The following SERPINE2 variants were observed in gnomAD, a reference collection of about 807,000 sequenced individuals.
SERPINE2 encodes glia-derived nexin.
Under a neutral mutation model 36.3 loss-of-function variants are expected in SERPINE2, and 14 were observed. The ratio of observed to expected loss-of-function variants is 0.39; its 90% CI spans 0.25 to 0.60. The LOEUF (loss-of-function observed/expected upper bound fraction) is 0.60, where lower values mean the gene tolerates loss of function less well. Ranked by LOEUF, SERPINE2 falls within the 20% of genes least tolerant of loss-of-function variation. SERPINE2 has a pLI of 0.57. For missense variants in SERPINE2, 418 were observed against 499.6 expected, an observed-to-expected ratio of 0.84 and a Z score of 1.56; for synonymous variants, 192 against 191.8, an observed-to-expected ratio of 1.00 and a Z score of -0.01.
chr2:223,980,518 C>A (rs1690192606), intron 6 of SERPINE2, 121 bp from the exon 7 acceptor site: 1 of 769,582 alleles, frequency 1.3e-6, no homozygotes, highest in Non-Finnish European at 2.2e-6. Flanking sequence ...TGTCAGAAGA[C>A]ATGACCTCTG....
intron 1 of SERPINE2, among the ~76,000 whole-genome samples, chr2:224,002,545 T>G (rs1277109752): frequency 6.6e-6 from 1 of 152,008 alleles, no homozygotes; most frequent in Non-Finnish European, 1.5e-5. Flanking sequence ...CAGGCTGGAG[T>G]GCAGTGGCGC....
At chr2:223,986,478 A>C (rs1251654048) in intron 4 of SERPINE2, among the ~76,000 whole-genome samples, 2 of 151,992 alleles carry the variant, frequency 1.3e-5, no homozygotes, top group African/African-American at 2.4e-5. Flanking sequence ...GAAACGGAAA[A>C]ATCAATGGGA....
At chr2:223,983,413 C>A (rs1336870156) in intron 5 of SERPINE2, among the ~76,000 whole-genome samples, 1 of 152,086 alleles carries the variant, frequency 6.6e-6, no homozygotes, top group Non-Finnish European at 1.5e-5. Context: ...ACGACCATGC[C>A]TGGCTAATTT....
At chr2:224,001,196 T>C (rs988554544) in intron 2 of SERPINE2, among the ~76,000 whole-genome samples, 1 of 152,170 alleles carries the variant, frequency 6.6e-6, no homozygotes, top group Non-Finnish European at 1.5e-5. Flanking sequence ...CAGATTTGTG[T>C]GGCCACCACC....
chr2:224,028,551 T>C (rs1198141231), intron 1 of SERPINE2, among the ~76,000 whole-genome samples: 2 of 152,108 alleles, frequency 1.3e-5, no homozygotes, highest in Admixed American at 1.3e-4. Flanking sequence ...ATCCAAAGTG[T>C]CCACCACAGA....
intron 1 of SERPINE2, among the ~76,000 whole-genome samples, chr2:224,036,715 G>A (rs1692549525): frequency 6.6e-6 from 1 of 151,892 alleles, no homozygotes; most frequent in South Asian, 2.1e-4. Flanking sequence ...TGGCCAGCTT[G>A]CAAAGAGCTG....
At chr2:223,996,040 G>A (rs1440111118) in intron 3 of SERPINE2, among the ~76,000 whole-genome samples, 1 of 152,204 alleles carries the variant, frequency 6.6e-6, no homozygotes, top group African/African-American at 2.4e-5. Flanking sequence ...ATAGTAAAGA[G>A]AGTATTAAAA....
At chr2:223,985,037 A>G in intron 4 of SERPINE2, 87 bp from the exon 5 acceptor site, 1 of 1,129,608 alleles carries the variant, frequency 8.9e-7, no homozygotes, top group Non-Finnish European at 1.3e-6. Flanking sequence ...ATAGCTTCAG[A>G]GAGCAACTCA....
At chr2:224,024,782 T>C (rs1387408684) in intron 1 of SERPINE2, among the ~76,000 whole-genome samples, 1 of 152,214 alleles carries the variant, frequency 6.6e-6, no homozygotes, top group African/African-American at 2.4e-5. Flanking sequence ...AAAGCTAAGA[T>C]AGGAGAACAG....
At chr2:224,010,482 A>C (rs894560950) in intron 1 of SERPINE2, 2 of 522,496 alleles carry the variant, frequency 3.8e-6, no homozygotes, top group Non-Finnish European at 4.9e-6. Context: ...CTTTGGGTTG[A>C]TGGGAAAAGG....
At chr2:223,975,939 T>A (rs961193313) in intron 8 of SERPINE2, 35 bp from the exon 9 acceptor site, 2 of 1,556,086 alleles carry the variant, frequency 1.3e-6, no homozygotes, top group Non-Finnish European at 1.8e-6. Context: ...CATGACTCTG[T>A]AAATTAATAA....
At chr2:224,030,355 C>T in intron 1 of SERPINE2, 1 of 352,488 alleles carries the variant, frequency 2.8e-6, no homozygotes, top group East Asian at 1.7e-4. Flanking sequence ...ACATGAGTCT[C>T]AGAGAAGTGC....
At chr2:223,985,031 C>T in intron 4 of SERPINE2, 81 bp from the exon 5 acceptor site, 1 of 1,218,058 alleles carries the variant, frequency 8.2e-7, no homozygotes, top group East Asian at 2.4e-5. Context: ...ACCGGGATAG[C>T]TTCAGAGAGC....
rs202056509 is a variant in SERPINE2, at chr2:224,025,013, CAGA to C, written c.-23+14083_-23+14085del. The stretch of plus-strand genomic sequence containing the variant: ...ACAATGGGGCTGGTGAGTAGCTGCA[CAGA>C]AGATGGGGGAAGAAACTTTCATAAA... On this transcript the variant is annotated intron_variant, in intron 1 of 8. Coordinates refer to ENST00000409304, the MANE Select transcript of SERPINE2 (RefSeq NM_001136528.2). Among the ~76,000 whole-genome samples, 1,215 of 152,306 alleles carry C rather than the reference CAGA, an allele frequency of 8.0e-3. 18 individuals carry two copies. Among genetic ancestry groups the C allele is most frequent in the African/African-American group, 0.027 (1,131 of 41,558 alleles).
In SERPINE2 at chr2:224,016,022, A is replaced by G. The variant is rs1036559254; in HGVS notation, c.-22-14100T>C. On this transcript the variant is annotated intron_variant, in intron 1 of 8. Coordinates refer to ENST00000409304, the MANE Select transcript of SERPINE2 (RefSeq NM_001136528.2). ...GTATAAATGGTAAATACGTCCATTAAAAGATGTTCAACATCATTAGCCACT... is the reference window on the plus strand; with the variant it reads ...GTATAAATGGTAAATACGTCCATTAGAAGATGTTCAACATCATTAGCCACT... 2.0e-5 allele frequency among the ~76,000 whole-genome samples: 3 copies of G among 152,262 alleles called. No homozygotes were observed. In the East Asian group the frequency reaches 5.8e-4, roughly 29 times the overall value.
intron 1 of SERPINE2, among the ~76,000 whole-genome samples, chr2:224,024,901 G>A (rs772526925): frequency 2.0e-5 from 3 of 152,192 alleles, no homozygotes; most frequent in Non-Finnish European, 4.4e-5. Flanking sequence ...GAAGGGGGCT[G>A]AGCTTCTTTT....
chr2:224,024,876 C>G (rs1348841523), intron 1 of SERPINE2, among the ~76,000 whole-genome samples: 1 of 152,146 alleles, frequency 6.6e-6, no homozygotes, highest in East Asian at 1.9e-4. Flanking sequence ...ACTGCACCAA[C>G]GAATCTTTAG....
At chr2:224,008,183 G>A (rs1043843244) in intron 1 of SERPINE2, among the ~76,000 whole-genome samples, 6 of 152,160 alleles carry the variant, frequency 3.9e-5, no homozygotes, top group African/African-American at 1.2e-4. Flanking sequence ...ATCAGTAGAC[G>A]GTAGCTGACT....
intron 3 of SERPINE2, among the ~76,000 whole-genome samples, chr2:223,997,369 C>T (rs1037252058): frequency 5.3e-5 from 8 of 151,984 alleles, no homozygotes; most frequent in African/African-American, 1.4e-4. Flanking sequence ...TACAGGTGCC[C>T]GCCAGCATGT....
Sources: allele counts gnomAD v4.1 joint callset (sites outside exome capture counted in the v4.1 genomes callset), GRCh38; gene constraint gnomAD v4.1.1; transcripts MANE v1.5; gene names NCBI Gene and HGNC (gene_info 2026-07-23, HGNC 2026-07-21).